MYO3B: variants seen among roughly 807,000 people sequenced by gnomAD.
MYO3B encodes the protein myosin-IIIb.
In MYO3B, 156 loss-of-function variants were observed where a neutral mutation model predicts 174.6. That is an observed-to-expected ratio of 0.89 (90% CI 0.78 to 1.02). The LOEUF (loss-of-function observed/expected upper bound fraction) is 1.02. MYO3B is among the 50% of genes least tolerant of loss of function. The pLI, the probability that MYO3B is intolerant of heterozygous loss-of-function variation, is 0.00. For synonymous variants in MYO3B, 563 were observed against 569.1 expected, an observed-to-expected ratio of 0.99 and a Z score of 0.15; for missense variants, 1,632 against 1,639.4, an observed-to-expected ratio of 1.00 and a Z score of 0.08.
At chr2:170,437,442 T>C (rs1014210550) in intron 22 of MYO3B, among the ~76,000 whole-genome samples, 1 of 152,202 alleles carries the variant, frequency 6.6e-6, no homozygotes, top group African/African-American at 2.4e-5. Context: ...TAAAGCAGGC[T>C]GTAAGACTCT....
chr2:170,649,622 T>A, intron 32 of MYO3B, among the ~76,000 whole-genome samples: 2 of 148,954 alleles, frequency 1.3e-5, no homozygotes, highest in South Asian at 2.1e-4. Flanking sequence ...AGGCTAGGAG[T>A]TCGAGACCAG....
At chr2:170,199,960 T>C (rs2092643041) in intron 2 of MYO3B, among the ~76,000 whole-genome samples, 190 bp from the exon 3 acceptor site, 1 of 152,220 alleles carries the variant, frequency 6.6e-6, no homozygotes, top group Non-Finnish European at 1.5e-5. Flanking sequence ...AATATTAGAA[T>C]GTAATAATGT....
At chr2:170,519,681 C>T (rs888840184) in intron 30 of MYO3B, 141 bp downstream of exon 30, 7 of 723,770 alleles carry the variant, frequency 9.7e-6, no homozygotes, top group Non-Finnish European at 1.6e-5. Context: ...AACCAAAAAG[C>T]GTTTCCAGGG....
intron 7 of MYO3B, among the ~76,000 whole-genome samples, chr2:170,244,061 A>G (rs550139213): frequency 1.3e-5 from 2 of 152,314 alleles, no homozygotes; most frequent in East Asian, 3.9e-4. Flanking sequence ...ACGAGTGGTG[A>G]TGCTGTCATC....
chr2:170,341,207 T>C (rs1476268314), intron 8 of MYO3B: 2 of 152,254 alleles, frequency 1.3e-5, no homozygotes, highest in Admixed American at 6.5e-5. Context: ...GGTGGTTGTT[T>C]GCTTGACATT....
chr2:170,545,959 C>G (rs1347862377), intron 32 of MYO3B, among the ~76,000 whole-genome samples: 1 of 152,154 alleles, frequency 6.6e-6, no homozygotes, highest in Non-Finnish European at 1.5e-5. Flanking sequence ...ACCTTCAAGG[C>G]TTTCTCTGTT....
In MYO3B at chr2:170,427,950, A is replaced by C. The variant is rs138728028; in HGVS notation, c.2651-16017A>C. ...TGGTACTTGCCAATATGCAAACAGA[A>C]GCATAATGTTTTACTAGGAGAATAG... On this transcript the variant is annotated intron_variant, in intron 22 of 34. Coordinates refer to ENST00000408978, the MANE Select transcript of MYO3B (RefSeq NM_138995.5). Among the ~76,000 whole-genome samples, 33 of 152,350 alleles carry C rather than the reference A, an allele frequency of 2.2e-4. 1 individual carries two copies. In the East Asian group the frequency reaches 5.6e-3, roughly 26 times the overall value.
chr2:170,417,149 T>G (rs964461816), intron 22 of MYO3B, among the ~76,000 whole-genome samples: 23 of 152,118 alleles, frequency 1.5e-4, no homozygotes, highest in African/African-American at 4.1e-4. Context: ...GACCCAGAAT[T>G]TAAGCTCAAA....
chr2:170,490,644 T>C (rs1247030911), intron 25 of MYO3B, among the ~76,000 whole-genome samples: 1 of 152,202 alleles, frequency 6.6e-6, no homozygotes, highest in Non-Finnish European at 1.5e-5. Context: ...ATTCAGCTTT[T>C]CACCATTAAA....
intron 28 of MYO3B, among the ~76,000 whole-genome samples, chr2:170,504,812 T>A (rs1687517725): frequency 6.6e-6 from 1 of 152,146 alleles, no homozygotes; most frequent in Admixed American, 6.5e-5. Context: ...GGCTAATTAT[T>A]GCTCGTTTTT....
In MYO3B at chr2:170,270,840, C is replaced by T. The variant is rs75389309; in HGVS notation, c.749+34704C>T. 8.7e-4 allele frequency among the ~76,000 whole-genome samples: 132 copies of T among 152,210 alleles called. 1 individual carries two copies. Among genetic ancestry groups the T allele is most frequent in the African/African-American group, 3.0e-3 (124 of 41,530 alleles). ...CATTGCATGAACTTAAACATTTGGC[C>T]CTTTTCACTGTGTGTTTCATAAGCC... On this transcript the variant is annotated intron_variant, in intron 7 of 34. Coordinates refer to ENST00000408978, the MANE Select transcript of MYO3B (RefSeq NM_138995.5).
intron 32 of MYO3B, among the ~76,000 whole-genome samples, chr2:170,563,334 C>G (rs1010327771): frequency 2.0e-5 from 3 of 151,922 alleles, no homozygotes; most frequent in Non-Finnish European, 2.9e-5. Context: ...ACCACATACA[C>G]GTAAAGGAGC....
In MYO3B at chr2:170,485,420, CAGAG is replaced by C. The variant is rs61185936; in HGVS notation, c.3015-13151_3015-13148del. Among the ~76,000 whole-genome samples, 68 of 127,900 alleles carry C rather than the reference CAGAG, an allele frequency of 5.3e-4. 1 individual carries two copies. The highest frequency in any genetic ancestry group is 1.2e-3 in the South Asian group (4 of 3,460). 83.9% of individuals were successfully genotyped at this position (127,900 alleles called of 152,430 possible). ...ACACACACACACACACACACACACACAGAGAGAGAGAGAGAGAGAGAGAGCGAGT... is the reference window on the plus strand; with the variant it reads ...ACACACACACACACACACACACACACAGAGAGAGAGAGAGAGAGAGCGAGT... On this transcript the variant is annotated intron_variant, in intron 25 of 34. Transcript: ENST00000408978.
intron 32 of MYO3B, among the ~76,000 whole-genome samples, chr2:170,612,477 C>T (rs1409631533): frequency 6.6e-6 from 1 of 152,026 alleles, no homozygotes; most frequent in African/African-American, 2.4e-5. Context: ...TGTGTCTGCC[C>T]CTCATTAACT....
At chr2:170,319,633 A>C (rs937718219) in intron 7 of MYO3B, among the ~76,000 whole-genome samples, 2 of 152,200 alleles carry the variant, frequency 1.3e-5, no homozygotes, top group African/African-American at 4.8e-5. Flanking sequence ...AAGAGGTCCA[A>C]ACATTCCAAA....
chr2:170,332,436 A>G (rs2093918284), intron 7 of MYO3B, among the ~76,000 whole-genome samples: 1 of 152,164 alleles, frequency 6.6e-6, no homozygotes, highest in African/African-American at 2.4e-5. Flanking sequence ...CACAAATGAA[A>G]CAAAAGAATA....
chr2:170,257,586 C>A (rs909683794), intron 7 of MYO3B, among the ~76,000 whole-genome samples: 10 of 151,966 alleles, frequency 6.6e-5, no homozygotes, highest in African/African-American at 2.4e-4. Flanking sequence ...GCAGCAAAAC[C>A]AGCGTTAAGA....
intron 1 of MYO3B, among the ~76,000 whole-genome samples, chr2:170,195,673 G>T (rs2098802): frequency 3.9e-5 from 6 of 151,964 alleles, no homozygotes; most frequent in African/African-American, 1.5e-4. Context: ...TGCCCACTTG[G>T]GCTTTGGGAG....
At chr2:170,386,302 G>A (rs1443865719) in intron 13 of MYO3B, 30 bp downstream of exon 13, 2 of 1,581,426 alleles carry the variant, frequency 1.3e-6, no homozygotes, top group African/African-American at 2.7e-5. Context: ...ACGTATTGTG[G>A]CGAGAAGTTC....
Sources: gnomAD v4.1 joint callset for allele counts (sites outside exome capture counted in the v4.1 genomes callset) on GRCh38, gnomAD v4.1.1 for gene constraint, MANE v1.5 for transcripts, NCBI Gene and HGNC (gene_info 2026-07-23, HGNC 2026-07-21) for gene names.